Variants in PLA2G4A observed in about 807,000 individuals in gnomAD.
PLA2G4A encodes the protein cytosolic phospholipase A2.
A neutral mutation model predicts 81.9 loss-of-function variants in PLA2G4A; 40 were observed. That is an observed-to-expected ratio of 0.49 (90% CI 0.38 to 0.64). The LOEUF (loss-of-function observed/expected upper bound fraction) is 0.64. Among genes scored for constraint, PLA2G4A ranks in the 30% least tolerant of loss-of-function variants. The pLI is 0.00. For synonymous variants in PLA2G4A, 302 were observed against 296.9 expected, an observed-to-expected ratio of 1.02 and a Z score of -0.18; for missense variants, 715 against 905.1, an observed-to-expected ratio of 0.79 and a Z score of 2.69.
Position 186,977,740 on chromosome 1 carries a change from A to G in PLA2G4A, c.1912A>G (p.Ile638Val), listed in dbSNP as rs181694916. 6 of 1,613,854 alleles carry G rather than the reference A, an allele frequency of 3.7e-6. No individual in the cohort carries two copies. The highest frequency in any genetic ancestry group is 2.2e-5 in the East Asian group (1 of 44,866). ...PDMEKDCPTI[I>V]HFVLANINFR... is the part of the protein sequence containing the mutation. Reference sequence around the variant, plus strand: ...TATGGAGAAAGATTGCCCAACCATCATCCACTTTGTTCTGGCCAACATCAA... The same window carrying G: ...TATGGAGAAAGATTGCCCAACCATCGTCCACTTTGTTCTGGCCAACATCAA... The change falls in exon 16 of 18, where the codon ATC becomes GTC. Residue 638 changes from isoleucine (I) to valine (V), a missense_variant. Coordinates refer to ENST00000367466, the MANE Select transcript of PLA2G4A (RefSeq NM_024420.3).
chr1:186,924,803 C>T (rs1039772784), intron 7 of PLA2G4A, among the ~76,000 whole-genome samples: 8 of 152,164 alleles, frequency 5.3e-5, no homozygotes, highest in African/African-American at 1.7e-4. Flanking sequence ...TGTGGTTGCT[C>T]TCACCTGTAA....
At chr1:186,833,113 A>G (rs983150402) in intron 1 of PLA2G4A, among the ~76,000 whole-genome samples, 1 of 152,150 alleles carries the variant, frequency 6.6e-6, no homozygotes. Context: ...ATGACTGTTC[A>G]AGTTTTGTAA....
chr1:186,968,990 G>A (rs1041843230), intron 15 of PLA2G4A, among the ~76,000 whole-genome samples: 5 of 151,760 alleles, frequency 3.3e-5, no homozygotes, highest in Non-Finnish European at 7.4e-5. Context: ...GGTTTGTCAT[G>A]CTTATTATAT....
intron 15 of PLA2G4A, among the ~76,000 whole-genome samples, chr1:186,973,203 A>G (rs905848531): frequency 6.6e-6 from 1 of 152,182 alleles, no homozygotes; most frequent in Non-Finnish European, 1.5e-5. Flanking sequence ...TAAGGCATCA[A>G]CAGGGATGTC....
At chr1:186,830,868 G>A (rs1651529114) in intron 1 of PLA2G4A, among the ~76,000 whole-genome samples, 1 of 151,468 alleles carries the variant, frequency 6.6e-6, no homozygotes, top group South Asian at 2.1e-4. Flanking sequence ...AATTAGTTGT[G>A]GTTCCCATTC....
chr1:186,860,789 A>G (rs987998842), intron 2 of PLA2G4A, among the ~76,000 whole-genome samples: 26 of 152,180 alleles, frequency 1.7e-4, no homozygotes, highest in African/African-American at 6.0e-4. Flanking sequence ...CACACAACAT[A>G]GATCAGAAAT....
chr1:186,847,311 A>G (rs1652211787), intron 1 of PLA2G4A, among the ~76,000 whole-genome samples: 1 of 151,596 alleles, frequency 6.6e-6, no homozygotes. Flanking sequence ...TCCTTGGTCC[A>G]GTATACCTCC....
At chr1:186,846,688 A>G (rs557333552) in intron 1 of PLA2G4A, among the ~76,000 whole-genome samples, 23 of 152,232 alleles carry the variant, frequency 1.5e-4, no homozygotes, top group African/African-American at 5.3e-4. Context: ...TACATCGCTC[A>G]CATTTAATGT....
intron 1 of PLA2G4A, among the ~76,000 whole-genome samples, chr1:186,830,973 T>A (rs199591759): frequency 7.6e-6 from 1 of 131,428 alleles, no homozygotes; most frequent in African/African-American, 3.3e-5. Flanking sequence ...TTTCTTTCTT[T>A]CTTTCTTTCT....
rs78789816 is a variant in PLA2G4A, at chr1:186,873,054, A to G, written c.115+2538A>G. 1.8e-4 allele frequency among the ~76,000 whole-genome samples: 27 copies of G among 152,160 alleles called. No homozygotes were observed. The East Asian group carries it at 5.0e-3, about 28-fold the overall frequency. ...GGGAGGGAGTTGTTGTCGACCATTT[A>G]TATCACCTTAATGAGTGCACAAGAG... On this transcript the variant is annotated intron_variant, in intron 3 of 17. Coordinates refer to ENST00000367466, the MANE Select transcript of PLA2G4A (RefSeq NM_024420.3).
chr1:186,869,387 A>C (rs570306584), intron 2 of PLA2G4A, among the ~76,000 whole-genome samples: 1 of 152,294 alleles, frequency 6.6e-6, no homozygotes, highest in African/African-American at 2.4e-5. Context: ...CTTTTTAAAC[A>C]AGGTATGCTC....
intron 3 of PLA2G4A, among the ~76,000 whole-genome samples, chr1:186,877,691 C>T (rs112997051): frequency 1.5e-3 from 160 of 104,756 alleles, no homozygotes; most frequent in African/African-American, 5.9e-3. Flanking sequence ...AGACTAAGGC[C>T]TGAGGCTTAC....
chr1:186,871,344 T>G (rs1214273124), intron 3 of PLA2G4A, among the ~76,000 whole-genome samples: 1 of 152,202 alleles, frequency 6.6e-6, no homozygotes, highest in Admixed American at 6.5e-5. Flanking sequence ...AACAAAGTAT[T>G]ATGATGATGA....
intron 5 of PLA2G4A, among the ~76,000 whole-genome samples, chr1:186,895,240 G>T (rs950601524): frequency 2.6e-5 from 4 of 152,182 alleles, no homozygotes; most frequent in African/African-American, 9.7e-5. Flanking sequence ...TTACATAGAT[G>T]ACATTTATGG....
intron 3 of PLA2G4A, among the ~76,000 whole-genome samples, chr1:186,884,173 A>T (rs941071015): frequency 6.6e-6 from 1 of 152,104 alleles, no homozygotes; most frequent in African/African-American, 2.4e-5. Context: ...CTTAAATATG[A>T]ATACATTATT....
At chr1:186,950,994 T>G (rs182576357) in intron 13 of PLA2G4A, among the ~76,000 whole-genome samples, 22 of 152,356 alleles carry the variant, frequency 1.4e-4, no homozygotes, top group African/African-American at 5.0e-4. Context: ...GTAGAAATGC[T>G]GAATTCTATT....
At position 186,943,792 on chromosome 1, in the gene PLA2G4A, C is replaced by T. The variant is rs148552264; in HGVS notation, c.1034-2845C>T. Among the ~76,000 whole-genome samples, 729 of 152,040 alleles carry T rather than the reference C, an allele frequency of 4.8e-3. 1 individual carries two copies. Among genetic ancestry groups the T allele is most frequent in the Non-Finnish European group, 7.6e-3 (520 of 67,982 alleles). On this transcript the variant is annotated intron_variant, in intron 10 of 17. Coordinates refer to ENST00000367466, the MANE Select transcript of PLA2G4A (RefSeq NM_024420.3). ...AGAAAAGGTGTTGTATTTGGAGGCA[C>T]CAATAGTCCCAAGTTATGGAATGAT...
chr1:186,970,702 A>T (rs537970790), intron 15 of PLA2G4A, among the ~76,000 whole-genome samples: 1 of 152,162 alleles, frequency 6.6e-6, no homozygotes, highest in Admixed American at 6.6e-5. Context: ...ACTTTGTTGC[A>T]AATGAGTTGA....
At position 186,864,645 on chromosome 1, in the gene PLA2G4A, G is replaced by GATTATTATTATTATT. The variant is rs75963523; in HGVS notation, c.34-5777_34-5763dup. ...AGTCTTTTACTTGTTTTAAAAATCA[G>GATTATTATTATTATT]ATTATTATTATTATTATTATTATTA... On this transcript the variant is annotated intron_variant, in intron 2 of 17. Transcript: ENST00000367466. 5.5e-4 allele frequency among the ~76,000 whole-genome samples: 81 copies of GATTATTATTATTATT among 147,158 alleles called. 1 individual carries two copies. In the South Asian group the frequency reaches 0.014, roughly 26 times the overall value.
Sources: gnomAD v4.1 joint callset for allele counts (sites outside exome capture counted in the v4.1 genomes callset) on GRCh38, gnomAD v4.1.1 for gene constraint, MANE v1.5 for transcripts, NCBI Gene and HGNC (gene_info 2026-07-23, HGNC 2026-07-21) for gene names.